Variants in TOGARAM2 observed in about 807,000 individuals in gnomAD.
TOGARAM2 encodes the protein TOG array regulator of axonemal microtubules 2.
TOGARAM2 carries 85 observed loss-of-function variants against 93.3 expected under a neutral mutation model. The observed-to-expected ratio is 0.91, with a 90% CI of 0.76 to 1.09. The LOEUF is 1.09. Among genes scored for constraint, TOGARAM2 ranks in the 50% least tolerant of loss-of-function variants. The probability of loss-of-function intolerance (pLI) is 0.00; values close to 1 mark genes in which losing one functional copy is unlikely to be tolerated. For missense variants in TOGARAM2, 1,277 were observed against 1,334.5 expected (o/e 0.96, Z 0.67); for synonymous variants, 593 against 552.8 (o/e 1.07, Z -1.02).
Position 28,998,384 on chromosome 2 carries a change from T to C in TOGARAM2, c.139+131T>C, listed in dbSNP as rs981988516. ...TTTTTCCTGTGGCTCCTGCTGAAAA[T>C]ACCCTTTGATTCTTTCAAAGGCAGG... On this transcript the variant is annotated intron_variant, in intron 3 of 19. Transcript: ENST00000379558. 9.5e-6 allele frequency: 6 copies of C among 633,434 alleles called. No individual in the cohort carries two copies. In the African/African-American group the frequency reaches 1.1e-4, roughly 12 times the overall value. The allele number at this position is 633,434 out of a possible 1,614,324, so 39.2% of individuals were successfully genotyped here.
At chr2:29,001,870 T>TA (rs945017909) in intron 4 of TOGARAM2, among the ~76,000 whole-genome samples, 7 of 146,032 alleles carry the variant, frequency 4.8e-5, no homozygotes, top group African/African-American at 1.8e-4. Flanking sequence ...TTTTTTTTTT[T>TA]ATTCCTCATC....
chr2:28,991,947 G>C (rs1411317223), intron 1 of TOGARAM2, among the ~76,000 whole-genome samples: 1 of 152,208 alleles, frequency 6.6e-6, no homozygotes, highest in Non-Finnish European at 1.5e-5. Context: ...AGCCAGCCAG[G>C]CAGAGCAATT....
At chr2:28,957,970 G>A (rs920873554) in intron 1 of TOGARAM2, among the ~76,000 whole-genome samples, 2 of 152,142 alleles carry the variant, frequency 1.3e-5, no homozygotes, top group Non-Finnish European at 1.5e-5. Context: ...AGGATGTGAG[G>A]TAGAATGAGT....
At chr2:28,963,735 C>T (rs957783792) in intron 1 of TOGARAM2, among the ~76,000 whole-genome samples, 1 of 152,212 alleles carries the variant, frequency 6.6e-6, no homozygotes, top group Non-Finnish European at 1.5e-5. Context: ...TGGCCGAATG[C>T]GGTGGCTCAT....
chr2:29,000,663 G>T (rs1348042388), intron 4 of TOGARAM2, among the ~76,000 whole-genome samples: 1 of 152,248 alleles, frequency 6.6e-6, no homozygotes, highest in South Asian at 2.1e-4. Context: ...GGTTGCTGCC[G>T]TCAAGCCTGG....
chr2:29,024,813 T>C (rs60766032), intron 13 of TOGARAM2, among the ~76,000 whole-genome samples: 21,551 of 152,132 alleles, frequency 0.14, 2,301 homozygotes, highest in African/African-American at 0.3. Flanking sequence ...GGAGCTCCTG[T>C]CACCCCCAGG....
At chr2:28,957,983 T>C (rs1671750415) in intron 1 of TOGARAM2, among the ~76,000 whole-genome samples, 1 of 152,180 alleles carries the variant, frequency 6.6e-6, no homozygotes, top group Non-Finnish European at 1.5e-5. Flanking sequence ...GAATGAGTCA[T>C]TAACTTTCAC....
chr2:29,021,361 G>A (rs1049811747), intron 10 of TOGARAM2, among the ~76,000 whole-genome samples: 8 of 152,238 alleles, frequency 5.3e-5, no homozygotes, highest in Admixed American at 2.0e-4. Context: ...GCTCTGGACT[G>A]GGAGGGGGAT....
intron 6 of TOGARAM2, among the ~76,000 whole-genome samples, chr2:29,006,050 AGT>A (rs1327286735): frequency 9.4e-5 from 5 of 53,168 alleles, no homozygotes; most frequent in African/African-American, 1.9e-4. Context: ...GCATGTGTGG[AGT>A]GTGTGTGTAT....
chr2:28,999,538 G>T, intron 4 of TOGARAM2, 70 bp downstream of exon 4: 1 of 1,479,150 alleles, frequency 6.8e-7, no homozygotes, highest in Non-Finnish European at 9.0e-7. Context: ...CTCCAGGGCT[G>T]TGAGGGTCAG....
chr2:28,960,036 G>A (rs1671780170), intron 1 of TOGARAM2, among the ~76,000 whole-genome samples: 1 of 152,282 alleles, frequency 6.6e-6, no homozygotes, highest in South Asian at 2.1e-4. Flanking sequence ...AGAGATGTGT[G>A]TATCTAAACA....
intron 6 of TOGARAM2, among the ~76,000 whole-genome samples, chr2:29,007,078 T>C (rs1417569819): frequency 6.6e-6 from 1 of 152,196 alleles, no homozygotes; most frequent in Non-Finnish European, 1.5e-5. Flanking sequence ...ATTCCCAAAA[T>C]TGTTCCAGGA....
intron 19 of TOGARAM2, chr2:29,048,153 T>C (rs1666857287): frequency 6.6e-6 from 1 of 151,946 alleles, no homozygotes; most frequent in South Asian, 2.1e-4. Context: ...GCAGGAAAAT[T>C]CCCCCTTATA....
intron 1 of TOGARAM2, among the ~76,000 whole-genome samples, chr2:28,993,648 T>C (rs993074776): frequency 5.3e-5 from 8 of 152,164 alleles, no homozygotes; most frequent in Admixed American, 5.2e-4. Flanking sequence ...ACTCATGTCT[T>C]GAGGTTCTAA....
intron 1 of TOGARAM2, among the ~76,000 whole-genome samples, chr2:28,974,262 G>A (rs373651051): frequency 6.6e-6 from 1 of 151,538 alleles, no homozygotes; most frequent in Admixed American, 6.6e-5. Flanking sequence ...TGAGTAGCTG[G>A]GATTACAGGT....
intron 8 of TOGARAM2, among the ~76,000 whole-genome samples, chr2:29,014,793 G>A (rs528510756): frequency 3.3e-5 from 5 of 152,264 alleles, no homozygotes; most frequent in African/African-American, 1.2e-4. Flanking sequence ...GGAACTAGGT[G>A]CAGGGAAGAC....
At chr2:29,006,009 CGTGT>C (rs1425467963) in intron 6 of TOGARAM2, among the ~76,000 whole-genome samples, 66 of 41,868 alleles carry the variant, frequency 1.6e-3, no homozygotes, top group Admixed American at 4.9e-3. Context: ...TGTATGTGTG[CGTGT>C]GTGTGTGAGA....
rs144637318 is a variant in TOGARAM2 at position 28,972,961 on chromosome 2, C to T, written c.-147+16264C>T. ...TCCTACACTCCTGTTAATTAGTGTC[C>T]GAGCCACGTGGCCAAGCCCAATCCC... On this transcript the variant is annotated intron_variant, in intron 1 of 6. Transcript: ENST00000401723. 5.2e-3 allele frequency among the ~76,000 whole-genome samples: 795 copies of T among 152,252 alleles called. 6 individuals are homozygous for T. Among genetic ancestry groups the T allele is most frequent in the African/African-American group, 0.018 (748 of 41,532 alleles).
Position 29,036,716 on chromosome 2 carries a change from C to A in TOGARAM2, c.2594C>A (p.Ala865Asp), listed in dbSNP as rs1478330758. 6.2e-7 allele frequency: 1 copy of A among 1,613,964 alleles called. No individual in the cohort carries two copies. The highest frequency in any genetic ancestry group is 8.5e-7 in the Non-Finnish European group (1 of 1,179,878). Residue 865 changes from alanine (A) to aspartate (D), a missense_variant, in exon 18 of 20, where the codon GCT (alanine) becomes GAT (aspartate). Coordinates refer to ENST00000379558, the MANE Select transcript of TOGARAM2 (RefSeq NM_199280.4). Reference protein sequence around the residue: ...NLNSKNSGIYAAAVAVLDAMV... With the variant: ...NLNSKNSGIYDAAVAVLDAMV... ...AACTCCAAGAACTCAGGGATTTACG[C>A]TGCTGCCGTGGCTGTGCTGGATGCG...
Sources: allele counts gnomAD v4.1 joint callset (sites outside exome capture counted in the v4.1 genomes callset), GRCh38; gene constraint gnomAD v4.1.1; transcripts MANE v1.5; gene names NCBI Gene and HGNC (gene_info 2026-07-23, HGNC 2026-07-21).